The following ZNF585A variants were observed in gnomAD, a reference collection of about 807,000 sequenced individuals.
The protein encoded by ZNF585A is zinc finger protein 585A.
A neutral mutation model predicts 14.9 loss-of-function variants in ZNF585A; 9 were observed. That is an observed-to-expected ratio of 0.60 (90% CI 0.36 to 1.05). The LOEUF is 1.05. Among genes scored for constraint, ZNF585A ranks in the 50% least tolerant of loss-of-function variants. The pLI, the probability that ZNF585A is intolerant of heterozygous loss-of-function variation, is 0.01. For missense variants in ZNF585A, 726 were observed against 926.4 expected, an observed-to-expected ratio of 0.78 and a Z score of 2.81; for synonymous variants, 276 against 319.9, an observed-to-expected ratio of 0.86 and a Z score of 1.46.
At chr19:37,164,777 T>C (rs1053456818) in intron 2 of ZNF585A, among the ~76,000 whole-genome samples, 1 of 152,156 alleles carries the variant, frequency 6.6e-6, no homozygotes, top group African/African-American at 2.4e-5. Flanking sequence ...GCTCAAGCCG[T>C]CCTCCAATCT....
At position 37,145,572 on chromosome 19, in the gene ZNF585A, C is replaced by G. The variant is rs1971732569; in HGVS notation, c.*6017G>C. 6.6e-6 allele frequency: 1 copy of G among 152,178 alleles called. No homozygotes were observed. 9.4% of individuals were successfully genotyped at this position (152,178 alleles called of 1,614,324 possible). On this transcript the variant is annotated 3_prime_UTR_variant, in exon 5 of 5. Coordinates refer to ENST00000292841, the MANE Select transcript of ZNF585A (RefSeq NM_001288800.2). Reference sequence around the variant, plus strand: ...GATTGGCATTTATTATAGGCACAAACTTAATATAACTCAAATGATTGTACT... The same window carrying G: ...GATTGGCATTTATTATAGGCACAAAGTTAATATAACTCAAATGATTGTACT...
intron 3 of ZNF585A, 76 bp downstream of exon 3, chr19:37,156,153 G>C (rs1363172620): frequency 1.3e-6 from 2 of 1,586,502 alleles, no homozygotes; most frequent in Non-Finnish European, 1.7e-6. Flanking sequence ...TTTAAGATGC[G>C]GACAGCATTC....
rs750251855 is a variant in ZNF585A at position 37,151,987 on chromosome 19, C to G, written c.1912G>C (p.Glu638Gln). 4 of 1,614,042 alleles carry G rather than the reference C, an allele frequency of 2.5e-6. No homozygotes were observed. Among genetic ancestry groups the G allele is most frequent in the Non-Finnish European group, 3.4e-6 (4 of 1,180,022 alleles). The change falls in exon 5 of 5, where the codon GAG becomes CAG. Residue 638 changes from glutamate to glutamine, a missense_variant. Around this residue, in one of 2 missense-constraint regions of ZNF585A, gnomAD observed 243 missense variants for 383.6 expected, o/e 0.63. Transcript: ENST00000292841. ...CTGCCACTAAAGGCCTTCCCGCACT[C>G]GGCACACACATAGGGTTTCTCTCCT... ...HTGEKPYVCA[E>Q]CGKAFSGRSN...
rs1310637957 is a variant in ZNF585A at position 37,146,782 on chromosome 19, G to A, written c.*4807C>T. On this transcript the variant is annotated 3_prime_UTR_variant, in exon 5 of 5. Transcript: ENST00000292841. ...ATGTGACCTGCCACTGTGACCAGGA[G>A]GAGGCTAAGTTAGATCTTGTAAACA... The A allele has an allele frequency of 1.3e-5, 2 of 152,648 alleles. No individual in the cohort carries two copies. Among genetic ancestry groups the A allele is most frequent in the Non-Finnish European group, 2.9e-5 (2 of 68,498 alleles). The allele number at this position is 152,648 out of a possible 1,614,324, so 9.5% of individuals were successfully genotyped here.
chr19:37,167,693 C>T (rs1972119061), intron 2 of ZNF585A, among the ~76,000 whole-genome samples: 1 of 151,882 alleles, frequency 6.6e-6, no homozygotes, highest in African/African-American at 2.4e-5. Context: ...ACGATCTCGG[C>T]TCACTACAAC....
At chr19:37,156,521 C>T (rs767023028) in intron 2 of ZNF585A, among the ~76,000 whole-genome samples, 166 bp from the exon 3 acceptor site, 2 of 152,020 alleles carry the variant, frequency 1.3e-5, no homozygotes, top group Non-Finnish European at 2.9e-5. Context: ...TCAAACATAC[C>T]GACAATTTAA....
intron 1 of ZNF585A, 21 bp from the exon 2 acceptor site, chr19:37,170,075 T>C (rs748471301): frequency 1.3e-5 from 9 of 701,866 alleles, no homozygotes; most frequent in Non-Finnish European, 2.1e-5. Context: ...AATGTTCCCA[T>C]AGTCAGTCAT....
At chr19:37,154,055 A>G (rs1216937107) in intron 4 of ZNF585A, among the ~76,000 whole-genome samples, 1 of 152,224 alleles carries the variant, frequency 6.6e-6, no homozygotes, top group Non-Finnish European at 1.5e-5. Context: ...AGGTGATTTT[A>G]GTTCAAAGAA....
intron 2 of ZNF585A, among the ~76,000 whole-genome samples, chr19:37,163,068 C>G (rs530307554): frequency 6.6e-6 from 1 of 152,178 alleles, no homozygotes; most frequent in South Asian, 2.1e-4. Flanking sequence ...CCTACACACA[C>G]TGAACCCCCA....
At chr19:37,160,875 A>C (rs1972003216) in intron 2 of ZNF585A, among the ~76,000 whole-genome samples, 1 of 151,580 alleles carries the variant, frequency 6.6e-6, no homozygotes, top group Non-Finnish European at 1.5e-5. Context: ...CTTCTTTTTA[A>C]TTTTTTTTGT....
chr19:37,157,667 G>C (rs1424061795), intron 2 of ZNF585A, among the ~76,000 whole-genome samples: 1 of 152,056 alleles, frequency 6.6e-6, no homozygotes, highest in Admixed American at 6.6e-5. Context: ...AAGGTGTAGA[G>C]ATAGAAAAAT....
At chr19:37,157,877 G>A (rs1257842449) in intron 2 of ZNF585A, among the ~76,000 whole-genome samples, 1 of 150,668 alleles carries the variant, frequency 6.6e-6, no homozygotes. Flanking sequence ...AACAGCTGGT[G>A]AGGAAAAGTT....
chr19:37,171,098 AAAAC>A (rs1972174081), intron 1 of ZNF585A, among the ~76,000 whole-genome samples: 1 of 152,216 alleles, frequency 6.6e-6, no homozygotes, highest in Non-Finnish European at 1.5e-5. Flanking sequence ...CACCTGGAAA[AAAAC>A]AAACTAGATC....
intron 2 of ZNF585A, among the ~76,000 whole-genome samples, chr19:37,167,842 G>A (rs1972121595): frequency 2.6e-5 from 4 of 152,038 alleles, no homozygotes; most frequent in Admixed American, 6.6e-5. Context: ...ATGTTAGCCA[G>A]GCTGGTCTCC....
chr19:37,160,448 G>A (rs1201376562), intron 2 of ZNF585A, among the ~76,000 whole-genome samples: 1 of 151,526 alleles, frequency 6.6e-6, no homozygotes, highest in Non-Finnish European at 1.5e-5. Flanking sequence ...ATAATAAAAA[G>A]TAGAAATCAA....
At chr19:37,156,462 C>CT in intron 2 of ZNF585A, 107 bp from the exon 3 acceptor site, 1 of 1,390,666 alleles carries the variant, frequency 7.2e-7, no homozygotes, top group Non-Finnish European at 9.5e-7. Flanking sequence ...TTTACATTCT[C>CT]TTTTTAAAAA....
Position 37,170,024 on chromosome 19 carries a change from G to T in ZNF585A, c.-114C>A. 7.7e-7 allele frequency: 1 copy of T among 1,301,984 alleles called. No homozygotes were observed. 80.7% of individuals were successfully genotyped at this position (1,301,984 alleles called of 1,614,324 possible). On this transcript the variant is annotated 5_prime_UTR_variant, in exon 2 of 5. Coordinates refer to ENST00000292841, the MANE Select transcript of ZNF585A (RefSeq NM_001288800.2). ...GGGCTGGAGTCTAGAGGAAAATCTGGCCCAGGGGCTCCCCAGAGACACCCA... is the reference window on the plus strand; with the variant it reads ...GGGCTGGAGTCTAGAGGAAAATCTGTCCCAGGGGCTCCCCAGAGACACCCA...
intron 4 of ZNF585A, among the ~76,000 whole-genome samples, chr19:37,154,792 A>G (rs1297253521): frequency 6.9e-6 from 1 of 144,186 alleles, no homozygotes; most frequent in Non-Finnish European, 1.5e-5. Flanking sequence ...GGCATCTCAC[A>G]GTAAAAAAAA....
chr19:37,156,134 C>T, intron 3 of ZNF585A, 95 bp downstream of exon 3: 2 of 1,567,746 alleles, frequency 1.3e-6, no homozygotes, highest in Non-Finnish European at 1.7e-6. Flanking sequence ...AGAACAAAAT[C>T]ATCACCTATT....
Sources: gnomAD v4.1 joint callset for allele counts (sites outside exome capture counted in the v4.1 genomes callset) on GRCh38, gnomAD v4.1.1 for gene constraint, gnomAD v4.1.1 regional missense constraint, MANE v1.5 for transcripts, NCBI Gene and HGNC (gene_info 2026-07-23, HGNC 2026-07-21) for gene names.